The following BRSK2 variants were observed in gnomAD, a reference collection of about 807,000 sequenced individuals.
BRSK2 encodes the protein serine/threonine-protein kinase BRSK2.
BRSK2 carries 19 observed loss-of-function variants against 83.3 expected under a neutral mutation model. The ratio of observed to expected loss-of-function variants is 0.23; its 90% CI spans 0.16 to 0.33. BRSK2 has a LOEUF of 0.33. Among genes scored for constraint, BRSK2 ranks in the 10% least tolerant of loss-of-function variants. The pLI is 1.00. For missense variants in BRSK2, 798 were observed against 1,042.3 expected (o/e 0.77, Z 3.23); for synonymous variants, 519 against 435.4 (o/e 1.19, Z -2.39).
At chr11:1,455,356 TC>T (rs1846374809) in intron 16 of BRSK2, among the ~76,000 whole-genome samples, 1 of 133,022 alleles carries the variant, frequency 7.5e-6, no homozygotes, top group Admixed American at 7.6e-5. Flanking sequence ...AGGGCTGCTG[TC>T]CTGCCCTGTG....
intron 1 of BRSK2, among the ~76,000 whole-genome samples, chr11:1,405,364 G>A (rs984674783): frequency 1.2e-4 from 18 of 152,086 alleles, no homozygotes; most frequent in Non-Finnish European, 2.1e-4. Context: ...GTGTGTGTGC[G>A]TGCCCACCTG....
intron 1 of BRSK2, among the ~76,000 whole-genome samples, chr11:1,399,162 G>A (rs1186735685): frequency 1.3e-5 from 2 of 152,226 alleles, no homozygotes; most frequent in East Asian, 1.9e-4. Flanking sequence ...TGGCCAGGAC[G>A]TTCCTGTGCT....
At chr11:1,439,156 G>T (rs1249282093) in intron 3 of BRSK2, among the ~76,000 whole-genome samples, 1 of 152,222 alleles carries the variant, frequency 6.6e-6, no homozygotes, top group African/African-American at 2.4e-5. Context: ...GGCTCTGAGG[G>T]AGCAGGGAAC....
intron 1 of BRSK2, among the ~76,000 whole-genome samples, chr11:1,420,810 CT>C (rs1848570987): frequency 1.3e-5 from 2 of 152,234 alleles, no homozygotes; most frequent in African/African-American, 4.8e-5. Context: ...GCTGGCAGTC[CT>C]GGGGGCTCAG....
At position 1,440,854 on chromosome 11, in the gene BRSK2, G is replaced by C; in HGVS notation, c.339G>C (p.Leu113=). 1 of 1,606,238 alleles carries C rather than the reference G, an allele frequency of 6.2e-7. No homozygotes were observed. The part of the protein sequence containing the change: ...LFDYLVKKGR[L]TPKEARKFFR... Reference sequence around the variant, plus strand: ...ACTACCTGGTGAAGAAGGGGAGGCTGACGCCTAAGGAGGCTCGGAAGTTCT... The same window carrying C: ...ACTACCTGGTGAAGAAGGGGAGGCTCACGCCTAAGGAGGCTCGGAAGTTCT... The change falls in exon 4 of 20, where the codon CTG becomes CTC. Residue 113 remains leucine, a synonymous_variant. Coordinates refer to ENST00000528841, the MANE Select transcript of BRSK2 (RefSeq NM_001256627.2).
At chr11:1,434,562 C>T (rs1324030776) in intron 1 of BRSK2, among the ~76,000 whole-genome samples, 8 of 131,096 alleles carry the variant, frequency 6.1e-5, no homozygotes, top group Non-Finnish European at 1.3e-4. Context: ...TAACCTGGGC[C>T]GGCTCTGGGT....
chr11:1,400,021 C>T (rs1846369009), intron 1 of BRSK2, among the ~76,000 whole-genome samples: 1 of 152,248 alleles, frequency 6.6e-6, no homozygotes, highest in Admixed American at 6.5e-5. Context: ...AACATTTGGT[C>T]TGCACATATA....
intron 16 of BRSK2, among the ~76,000 whole-genome samples, 164 bp from the exon 17 acceptor site, chr11:1,456,184 T>G (rs1278794886): frequency 6.6e-6 from 1 of 152,064 alleles, no homozygotes; most frequent in East Asian, 1.9e-4. Flanking sequence ...CCCCTCCCCC[T>G]GCTCCAGCCG....
intron 1 of BRSK2, among the ~76,000 whole-genome samples, chr11:1,414,624 C>G (rs1361607529): frequency 6.6e-6 from 1 of 152,168 alleles, no homozygotes; most frequent in East Asian, 1.9e-4. Context: ...ATGAAATTCA[C>G]ATAATATAAA....
chr11:1,456,734 G>A (rs776598781), intron 18 of BRSK2, 47 bp downstream of exon 18: 32 of 1,541,170 alleles, frequency 2.1e-5, no homozygotes, highest in Admixed American at 1.2e-4. Context: ...CGAGTGGGGC[G>A]TGGCCAGCTG....
intron 11 of BRSK2, 30 bp downstream of exon 11, chr11:1,445,698 G>GCCTGCACTGCCCCA: frequency 1.2e-6 from 2 of 1,611,478 alleles, no homozygotes; most frequent in Admixed American, 1.7e-5. Flanking sequence ...CTCCAGCCCG[G>GCCTGCACTGCCCCA]CCTGCACTGC....
At chr11:1,447,556 C>G (rs1047294839) in intron 12 of BRSK2, among the ~76,000 whole-genome samples, 2 of 152,198 alleles carry the variant, frequency 1.3e-5, no homozygotes, top group South Asian at 4.1e-4. Context: ...TTGGGCCACA[C>G]AGGGCTGCTG....
intron 1 of BRSK2, among the ~76,000 whole-genome samples, chr11:1,400,205 G>T (rs1057484744): frequency 6.6e-6 from 1 of 152,216 alleles, no homozygotes; most frequent in East Asian, 1.9e-4. Context: ...GTGGGCAGGC[G>T]CTGGGCTCTG....
intron 1 of BRSK2, among the ~76,000 whole-genome samples, chr11:1,403,859 C>T (rs571366822): frequency 3.3e-5 from 5 of 152,168 alleles, no homozygotes; most frequent in East Asian, 1.9e-4. Context: ...GGGGGAAACA[C>T]GTTGAGCGCT....
chr11:1,440,845 G>T lies in BRSK2; in HGVS notation c.330G>T (p.Lys110Asn). 1 of 1,603,830 alleles carries T rather than the reference G, an allele frequency of 6.2e-7. No homozygotes were observed. Among genetic ancestry groups the T allele is most frequent in the Non-Finnish European group, 8.5e-7 (1 of 1,175,208 alleles). ...GGELFDYLVK[K>N]GRLTPKEARK... ...AGCTCTTCGACTACCTGGTGAAGAA[G>T]GGGAGGCTGACGCCTAAGGAGGCTC... The change falls in exon 4 of 20, where the codon AAG becomes AAT. Residue 110 changes from lysine (K) to asparagine (N), a missense_variant. Physicochemically the swap from Lys to Asn is moderately conservative, Grantham distance 94 (BLOSUM62 0). This residue lies in a region of BRSK2 where 109 missense variants were observed against 259.2 expected (regional missense o/e 0.42). Coordinates refer to ENST00000528841, the MANE Select transcript of BRSK2 (RefSeq NM_001256627.2).
Position 1,461,191 on chromosome 11 carries a change from G to A in BRSK2, c.*468G>A, listed in dbSNP as rs376778054. 282 of 762,226 alleles carry A rather than the reference G, an allele frequency of 3.7e-4. 3 individuals carry two copies. The East Asian group carries it at 6.2e-3, about 17-fold the overall frequency. 47.2% of individuals were successfully genotyped at this position (762,226 alleles called of 1,614,324 possible). On this transcript the variant is annotated 3_prime_UTR_variant, in exon 20 of 20. Transcript: ENST00000528841. ...GAGCCTCCTCCAGCCCGGCCGACCC[G>A]GACTCCCGGTCACCTGACCCCTCAG...
At chr11:1,443,015 C>A (rs1486308822) in intron 5 of BRSK2, 91 bp from the exon 6 acceptor site, 7 of 1,414,720 alleles carry the variant, frequency 4.9e-6, no homozygotes, top group Non-Finnish European at 5.6e-6. Context: ...CCCTGGAGGC[C>A]TCCTTGAGGG....
Position 1,451,475 on chromosome 11 carries a change from G to C in BRSK2, c.1544+56G>C, listed in dbSNP as rs916262803. 12 of 1,584,104 alleles carry C rather than the reference G, an allele frequency of 7.6e-6. No homozygotes were observed. In the Admixed American group the frequency reaches 1.8e-4, roughly 24 times the overall value. ...ACCTGACACCAGGCTGGCCGGGAGA[G>C]GGGCATGGAACCCTTCCCCTATGGC... is the stretch of plus-strand genomic sequence containing the variant. On this transcript the variant is annotated intron_variant, in intron 15 of 19. Transcript: ENST00000528841.
At chr11:1,440,741 C>A in intron 3 of BRSK2, 47 bp from the exon 4 acceptor site, 1 of 1,531,698 alleles carries the variant, frequency 6.5e-7, no homozygotes, top group Non-Finnish European at 8.8e-7. Context: ...TGAGGAGGGG[C>A]GGCGGGCAGC....
Sources: allele counts gnomAD v4.1 joint callset (sites outside exome capture counted in the v4.1 genomes callset), GRCh38; gene constraint gnomAD v4.1.1; regional missense constraint gnomAD v4.1.1; transcripts MANE v1.5; gene names NCBI Gene and HGNC (gene_info 2026-07-23, HGNC 2026-07-21).